Variants in MTBP observed in about 807,000 individuals in gnomAD.
MTBP encodes the protein mdm2-binding protein.
In MTBP, 101 loss-of-function variants were observed where a neutral mutation model predicts 117.0. The ratio of observed to expected loss-of-function variants is 0.86; its 90% CI spans 0.73 to 1.02. The LOEUF (loss-of-function observed/expected upper bound fraction) is 1.02. Ranked by LOEUF, MTBP falls within the 50% of genes least tolerant of loss-of-function variation. MTBP has a pLI of 0.00. For missense variants in MTBP, 970 were observed against 1,030.9 expected (o/e 0.94, Z 0.81); for synonymous variants, 350 against 351.5 (o/e 1.00, Z 0.05).
chr8:120,449,067 TAGAGA>T (rs1201914220), intron 2 of MTBP, among the ~76,000 whole-genome samples: 1 of 152,140 alleles, frequency 6.6e-6, no homozygotes, highest in African/African-American at 2.4e-5. Flanking sequence ...GTAGATGGAT[TAGAGA>T]AAAGTATAGC....
At chr8:120,512,314 A>C (rs551371767) in intron 17 of MTBP, among the ~76,000 whole-genome samples, 4 of 152,292 alleles carry the variant, frequency 2.6e-5, no homozygotes, top group African/African-American at 9.6e-5. Context: ...TGATTTGAAT[A>C]AAATAAGCTA....
intron 17 of MTBP, among the ~76,000 whole-genome samples, chr8:120,513,605 G>A (rs1350042749): frequency 2.6e-5 from 4 of 151,898 alleles, no homozygotes; most frequent in Non-Finnish European, 5.9e-5. Flanking sequence ...ATGACACTAT[G>A]AACAGCTGTG....
At position 120,516,152 on chromosome 8, in the gene MTBP, G is replaced by A. The variant is rs780873844; in HGVS notation, c.2207G>A (p.Arg736Gln). Residue 736 changes from arginine (R) to glutamine (Q), a missense_variant, in exon 18 of 22, where the codon CGG becomes CAG. Transcript: ENST00000305949. ...CGAACTGAAGTATCCCGATTGAAACGGAGATCTAAAGATCTGAATTGCCTT... is the reference window on the plus strand; with the variant it reads ...CGAACTGAAGTATCCCGATTGAAACAGAGATCTAAAGATCTGAATTGCCTT... ...ELRTEVSRLK[R>Q]RSKDLNCLYP... 23 of 1,612,072 alleles carry A rather than the reference G, an allele frequency of 1.4e-5. No individual in the cohort carries two copies. Among genetic ancestry groups the A allele is most frequent in the African/African-American group, 4.0e-5 (3 of 74,804 alleles).
intron 15 of MTBP, among the ~76,000 whole-genome samples, chr8:120,506,456 T>C (rs1814687189): frequency 6.6e-6 from 1 of 152,172 alleles, no homozygotes; most frequent in African/African-American, 2.4e-5. Flanking sequence ...AAATACTACT[T>C]CTTGACATGA....
Position 120,497,444 on chromosome 8 carries a change from A to G in MTBP, c.1499A>G (p.Lys500Arg). 1.9e-6 allele frequency: 3 copies of G among 1,608,388 alleles called. No individual in the cohort carries two copies. The highest frequency in any genetic ancestry group is 2.5e-6 in the Non-Finnish European group (3 of 1,178,146). Residue 500 changes from lysine to arginine, a missense_variant, in exon 14 of 22, where the codon AAA (lysine) becomes AGA (arginine). By Grantham distance (26) the Lys-to-Arg change is conservative (BLOSUM62 2). Transcript: ENST00000305949. ...QPETVSVAELKSLLVLTRKHF... is the reference protein window; with the variant it reads ...QPETVSVAELRSLLVLTRKHF... The stretch of plus-strand genomic sequence containing the variant: ...GAAACAGTTTCTGTTGCTGAACTCA[A>G]AAGTCTGTTAGTACTCACAAGGAAA...
chr8:120,455,139 G>T (rs914156376), intron 5 of MTBP, among the ~76,000 whole-genome samples: 1 of 151,668 alleles, frequency 6.6e-6, no homozygotes, highest in Non-Finnish European at 1.5e-5. Flanking sequence ...ATTAACCACT[G>T]CTGCAGAATT....
intron 10 of MTBP, among the ~76,000 whole-genome samples, chr8:120,468,582 G>T (rs898118195): frequency 6.6e-6 from 1 of 152,116 alleles, no homozygotes; most frequent in Non-Finnish European, 1.5e-5. Flanking sequence ...GATGGATGAG[G>T]CAAAACTTTG....
Position 120,522,654 on chromosome 8 carries a change from G to C in MTBP, c.2611G>C (p.Asp871His). 1 of 1,586,934 alleles carries C rather than the reference G, an allele frequency of 6.3e-7. No individual in the cohort carries two copies. The highest frequency in any genetic ancestry group is 8.6e-7 in the Non-Finnish European group (1 of 1,158,452). ...LFEISKFYLK[D>H]LKTSRGLFEE... ...AAATGCTGTATTTTATTATGTTTAG[G>C]ATCTTAAAACTTCAAGGGGTCTATT... The change falls in exon 21 of 22, where the codon GAT (aspartate) becomes CAT (histidine). Residue 871 changes from aspartate (D) to histidine (H), a missense_variant and splice_region_variant. Coordinates refer to ENST00000305949, the MANE Select transcript of MTBP (RefSeq NM_022045.5).
At chr8:120,456,780 G>GGTA (rs1813479204) in intron 7 of MTBP, 110 bp downstream of exon 7, 4 of 695,658 alleles carry the variant, frequency 5.7e-6, no homozygotes, top group Admixed American at 2.5e-5. Context: ...TTCTAGAATA[G>GGTA]CACTAAGTAG....
intron 11 of MTBP, among the ~76,000 whole-genome samples, chr8:120,482,848 T>A (rs1386488652): frequency 2.6e-5 from 4 of 151,844 alleles, no homozygotes; most frequent in Non-Finnish European, 5.9e-5. Context: ...TACAGGCACA[T>A]GCCACCACGC....
chr8:120,489,958 C>A (rs1300226163), intron 12 of MTBP, among the ~76,000 whole-genome samples: 2 of 152,206 alleles, frequency 1.3e-5, no homozygotes, highest in East Asian at 1.9e-4. Context: ...CAAGATAGTA[C>A]ATTTCCAGTG....
At chr8:120,521,037 GACCAGGC>G (rs2130625222) in intron 20 of MTBP, among the ~76,000 whole-genome samples, 1 of 152,134 alleles carries the variant, frequency 6.6e-6, no homozygotes, top group South Asian at 2.1e-4. Flanking sequence ...GTCCTAATAG[GACCAGGC>G]CTAGGCAGCA....
In MTBP at chr8:120,506,855, A is replaced by G. The variant is rs1461636385; in HGVS notation, c.1877A>G (p.Gln626Arg). Reference sequence around the variant, plus strand: ...GGAGATCTTCAACCTTTACCGATTCAAAAGGGGTAGGTTATAAACTTATAA... The same window carrying G: ...GGAGATCTTCAACCTTTACCGATTCGAAAGGGGTAGGTTATAAACTTATAA... ...PIGDLQPLPI[Q>R]KGEKTFVLTP... The change falls in exon 16 of 22, where the codon CAA (glutamine) becomes CGA (arginine). Residue 626 changes from glutamine (Q) to arginine (R), a missense_variant. Gln to Arg is a conservative substitution (Grantham distance 43). Transcript: ENST00000305949. 3 of 1,602,578 alleles carry G rather than the reference A, an allele frequency of 1.9e-6. No homozygotes were observed. The highest frequency in any genetic ancestry group is 2.2e-5 in the East Asian group (1 of 44,748).
chr8:120,493,455 A>AGT (rs769358540), intron 13 of MTBP, among the ~76,000 whole-genome samples: 7 of 151,214 alleles, frequency 4.6e-5, no homozygotes, highest in Middle Eastern at 3.2e-3. Context: ...TTCAGATTTG[A>AGT]GTGTGTGTGT....
At chr8:120,466,930 A>T (rs184933499) in intron 10 of MTBP, among the ~76,000 whole-genome samples, 387 of 152,256 alleles carry the variant, frequency 2.5e-3, no homozygotes, top group Non-Finnish European at 3.7e-3. Flanking sequence ...AATTTTTTTA[A>T]AAATGTTTTT....
At chr8:120,466,575 T>G (rs987970825) in intron 10 of MTBP, among the ~76,000 whole-genome samples, 3 of 151,824 alleles carry the variant, frequency 2.0e-5, no homozygotes, top group African/African-American at 7.3e-5. Flanking sequence ...ATCTAGTGCT[T>G]TATAACTTGG....
intron 10 of MTBP, among the ~76,000 whole-genome samples, chr8:120,469,255 AG>A: frequency 6.6e-6 from 1 of 152,258 alleles, no homozygotes. Context: ...CATATTGGCC[AG>A]GGTGGTCTCG....
Position 120,470,800 on chromosome 8 carries a change from A to G in MTBP, c.1048-20A>G. 1 of 1,499,416 alleles carries G rather than the reference A, an allele frequency of 6.7e-7. No individual in the cohort carries two copies. Among genetic ancestry groups the G allele is most frequent in the Non-Finnish European group, 9.3e-7 (1 of 1,080,940 alleles). 92.9% of individuals were successfully genotyped at this position (1,499,416 alleles called of 1,614,324 possible). ...GAATCTCAATGTGCAATCAATAAAA[A>G]TATGGTCTGTTTTATTCAGGTTGGT... On this transcript the variant is annotated intron_variant, in intron 10 of 21. Coordinates refer to ENST00000305949, the MANE Select transcript of MTBP (RefSeq NM_022045.5).
In MTBP at chr8:120,459,285, A is replaced by C; in HGVS notation, c.818A>C (p.Asn273Thr). Residue 273 changes from asparagine to threonine, a missense_variant, in exon 8 of 22, where the codon AAT becomes ACT. Transcript: ENST00000305949. Reference sequence around the variant, plus strand: ...ACACTTAAGAATTTTAGTACTTCTAATTTAAATACTGACTTCCTTGCCAAA... The same window carrying C: ...ACACTTAAGAATTTTAGTACTTCTACTTTAAATACTGACTTCCTTGCCAAA... Reference protein sequence around the residue: ...GVTLKNFSTSNLNTDFLAKKI... With the variant: ...GVTLKNFSTSTLNTDFLAKKI... The C allele has an allele frequency of 6.2e-7, 1 of 1,611,714 alleles. No homozygotes were observed. Among genetic ancestry groups the C allele is most frequent in the Non-Finnish European group, 8.5e-7 (1 of 1,178,700 alleles).
Sources: allele counts gnomAD v4.1 joint callset (sites outside exome capture counted in the v4.1 genomes callset), GRCh38; gene constraint gnomAD v4.1.1; transcripts MANE v1.5; gene names NCBI Gene and HGNC (gene_info 2026-07-23, HGNC 2026-07-21).